Variants in ALK observed in about 807,000 individuals in gnomAD.
The protein encoded by ALK is ALK receptor tyrosine kinase.
ALK carries 74 observed loss-of-function variants against 163.1 expected under a neutral mutation model. That is an observed-to-expected ratio of 0.45 (90% CI 0.38 to 0.55). The LOEUF (loss-of-function observed/expected upper bound fraction) is 0.55, where lower values mean the gene tolerates loss of function less well. Among genes scored for constraint, ALK ranks in the 20% least tolerant of loss-of-function variants. The pLI is 0.00. For synonymous variants in ALK, 960 were observed against 843.2 expected (o/e 1.14, Z -2.40); for missense variants, 2,063 against 2,105.3 (o/e 0.98, Z 0.39).
intron 3 of ALK, among the ~76,000 whole-genome samples, chr2:29,592,144 T>C (rs1432418920): frequency 1.3e-5 from 2 of 152,094 alleles, no homozygotes; most frequent in East Asian, 1.9e-4. Context: ...CAGCAGCTGA[T>C]GGCTTCTGGG....
chr2:29,295,464 T>C (rs910806664), intron 9 of ALK, among the ~76,000 whole-genome samples: 2 of 152,140 alleles, frequency 1.3e-5, no homozygotes, highest in African/African-American at 4.8e-5. Context: ...TAAACTATAG[T>C]GGGCAGAGCT....
intron 1 of ALK, among the ~76,000 whole-genome samples, chr2:29,752,435 C>T (rs1042301618): frequency 6.7e-6 from 1 of 150,020 alleles, no homozygotes; most frequent in South Asian, 2.1e-4. Context: ...CTGCAAGCTC[C>T]GCCTCCCGGG....
At chr2:29,515,838 T>C (rs970579059) in intron 4 of ALK, among the ~76,000 whole-genome samples, 1 of 152,186 alleles carries the variant, frequency 6.6e-6, no homozygotes, top group African/African-American at 2.4e-5. Flanking sequence ...AACAATTAAG[T>C]ATAGGCATCA....
At chr2:29,248,812 A>C (rs978368891) in intron 12 of ALK, among the ~76,000 whole-genome samples, 1 of 152,270 alleles carries the variant, frequency 6.6e-6, no homozygotes, top group African/African-American at 2.4e-5. Flanking sequence ...TTATTTAATA[A>C]GTGTAGTTCA....
chr2:29,908,271 C>T (rs1166058158), intron 1 of ALK, among the ~76,000 whole-genome samples: 1 of 121,774 alleles, frequency 8.2e-6, no homozygotes, highest in Non-Finnish European at 1.7e-5. Context: ...GCTGGTTCTA[C>T]TCTCCAGAGC....
intron 1 of ALK, among the ~76,000 whole-genome samples, chr2:29,893,935 T>C (rs1178063627): frequency 6.6e-6 from 1 of 152,100 alleles, no homozygotes; most frequent in African/African-American, 2.4e-5. Flanking sequence ...TGGACTGATA[T>C]GAGGACAAAA....
chr2:29,832,937 A>C (rs1665459553), intron 1 of ALK, among the ~76,000 whole-genome samples: 2 of 152,202 alleles, frequency 1.3e-5, no homozygotes, highest in Admixed American at 1.3e-4. Flanking sequence ...CTGGGCTCTA[A>C]AGTATGTGTA....
intron 1 of ALK, among the ~76,000 whole-genome samples, chr2:29,822,496 G>T (rs1665075117): frequency 6.6e-6 from 1 of 152,196 alleles, no homozygotes; most frequent in African/African-American, 2.4e-5. Flanking sequence ...ATGGTTTTTG[G>T]CTCCTGGGCT....
rs371629548 is a variant in ALK, at chr2:29,229,154, TGGAG to T, written c.2633-92_2633-89del. 104 of 1,292,354 alleles carry T rather than the reference TGGAG, an allele frequency of 8.0e-5. No homozygotes were observed. The African/African-American group carries it at 1.4e-3, about 17-fold the overall frequency. 80.1% of individuals were successfully genotyped at this position (1,292,354 alleles called of 1,614,324 possible). A position where few individuals can be genotyped will look rare whatever the true frequency, so the allele number is the denominator to read the frequency against. ...CAGAGAAGCAGGATGCAGGACGCCT[TGGAG>T]GGCGCCCGCACCAGCTCCAGCTCCC... On this transcript the variant is annotated intron_variant, in intron 15 of 28. Transcript: ENST00000389048.
chr2:29,699,935 G>T (rs1558448614), intron 2 of ALK, among the ~76,000 whole-genome samples: 1 of 152,248 alleles, frequency 6.6e-6, no homozygotes, highest in Non-Finnish European at 1.5e-5. Flanking sequence ...ATGGTTCTGG[G>T]CTTGGTCCTG....
rs6730739 is a variant in ALK, at chr2:29,400,548, C to A, written c.1155-16689G>T. On this transcript the variant is annotated intron_variant, in intron 4 of 28. Coordinates refer to ENST00000389048, the MANE Select transcript of ALK (RefSeq NM_004304.5). ...CTCATTCCCTCTTGTCTGCTGCCAC[C>A]CAAGAACAAGACTTTGATCACAATG... Among the ~76,000 whole-genome samples, 1,112 of 152,258 alleles carry A rather than the reference C, an allele frequency of 7.3e-3. 13 individuals are homozygous for A. The highest frequency in any genetic ancestry group is 0.025 in the African/African-American group (1,039 of 41,542).
At chr2:29,763,994 G>A (rs915662741) in intron 1 of ALK, among the ~76,000 whole-genome samples, 1 of 152,104 alleles carries the variant, frequency 6.6e-6, no homozygotes, top group Non-Finnish European at 1.5e-5. Flanking sequence ...TGGGGAGGTG[G>A]AGATCACTAT....
At chr2:29,726,404 T>C (rs1679576791) in intron 1 of ALK, among the ~76,000 whole-genome samples, 1 of 152,194 alleles carries the variant, frequency 6.6e-6, no homozygotes, top group African/African-American at 2.4e-5. Flanking sequence ...AAATAATTAA[T>C]ATACTGAAAG....
intron 4 of ALK, among the ~76,000 whole-genome samples, chr2:29,525,210 G>C (rs570926532): frequency 4.7e-4 from 72 of 152,198 alleles, no homozygotes; most frequent in Non-Finnish European, 9.3e-4. Context: ...GATTAGGCCA[G>C]GGTTGGAAAC....
At chr2:29,359,013 C>A (rs1473746813) in intron 5 of ALK, among the ~76,000 whole-genome samples, 2 of 151,764 alleles carry the variant, frequency 1.3e-5, no homozygotes, top group African/African-American at 2.4e-5. Context: ...AGCTGTACAA[C>A]ATTATGCCTA....
intron 3 of ALK, among the ~76,000 whole-genome samples, chr2:29,534,331 T>C (rs1456298318): frequency 2.0e-5 from 3 of 152,162 alleles, no homozygotes; most frequent in Non-Finnish European, 4.4e-5. Context: ...TATATTACTG[T>C]TGTAAGCAAA....
chr2:29,814,153 G>T (rs1664831318), intron 1 of ALK, among the ~76,000 whole-genome samples: 1 of 152,128 alleles, frequency 6.6e-6, no homozygotes, highest in Admixed American at 6.5e-5. Flanking sequence ...AATGTTAACA[G>T]CAACCCTAGG....
intron 11 of ALK, among the ~76,000 whole-genome samples, chr2:29,273,282 C>T (rs1417898628): frequency 6.6e-6 from 1 of 152,264 alleles, no homozygotes; most frequent in Non-Finnish European, 1.5e-5. Flanking sequence ...TGGCCTTGGC[C>T]TCTGCCTCCA....
intron 26 of ALK, among the ~76,000 whole-genome samples, chr2:29,201,938 G>A (rs1669191188): frequency 6.6e-6 from 1 of 152,046 alleles, no homozygotes; most frequent in Non-Finnish European, 1.5e-5. Context: ...TAAATTCAGT[G>A]GCAGAGAGAT....
Sources: gnomAD v4.1 joint callset for allele counts (sites outside exome capture counted in the v4.1 genomes callset) on GRCh38, gnomAD v4.1.1 for gene constraint, MANE v1.5 for transcripts, NCBI Gene and HGNC (gene_info 2026-07-23, HGNC 2026-07-21) for gene names.